The following ITGB3 variants were observed in gnomAD, a reference collection of about 807,000 sequenced individuals.
ITGB3 encodes the protein integrin subunit beta 3, also known as integrin beta-3.
Under a neutral mutation model 85.8 loss-of-function variants are expected in ITGB3, and 48 were observed. The ratio of observed to expected loss-of-function variants is 0.56; its 90% confidence interval spans 0.44 to 0.71. The LOEUF (loss-of-function observed/expected upper bound fraction) is 0.71. Ranked by LOEUF, ITGB3 falls within the 30% of genes least tolerant of loss-of-function variation. The pLI is 0.00. For missense variants in ITGB3, 861 were observed against 1,019.1 expected (o/e 0.84, Z 2.11); for synonymous variants, 363 against 395.6 (o/e 0.92, Z 0.98).
chr17:47,254,131 A>G (rs985641717), intron 1 of ITGB3, among the ~76,000 whole-genome samples, 191 bp downstream of exon 1: 2 of 151,968 alleles, frequency 1.3e-5, no homozygotes, highest in Non-Finnish European at 1.5e-5. Flanking sequence ...CGGGGCTGAG[A>G]GGTGCCTGGT....
intron 6 of ITGB3, among the ~76,000 whole-genome samples, chr17:47,288,237 AGAGAAAGAGG>A (rs1184932260): frequency 1.3e-4 from 10 of 79,608 alleles, no homozygotes; most frequent in Admixed American, 9.9e-4. Context: ...AGAGAGAGAG[AGAGAAAGAGG>A]GGAAAGAACA....
intron 4 of ITGB3, among the ~76,000 whole-genome samples, chr17:47,285,231 A>G (rs941557052): frequency 2.6e-5 from 4 of 152,222 alleles, no homozygotes; most frequent in African/African-American, 9.7e-5. Context: ...TATTTATTTA[A>G]TCGGTGGAGA....
intron 10 of ITGB3, among the ~76,000 whole-genome samples, chr17:47,297,555 C>G (rs982287262): frequency 2.6e-5 from 4 of 151,946 alleles, no homozygotes; most frequent in African/African-American, 9.7e-5. Flanking sequence ...ACTTGGGAGG[C>G]TGAGGCAGGA....
chr17:47,306,860 A>T (rs1404948720), intron 13 of ITGB3, among the ~76,000 whole-genome samples: 5 of 151,384 alleles, frequency 3.3e-5, no homozygotes, highest in Admixed American at 6.6e-5. Flanking sequence ...TTGTAGTTTT[A>T]GTAGAGATGG....
rs2065222423 is a variant in ITGB3 at position 47,313,155 on chromosome 17, G to A, written c.*2951G>A. Among the ~76,000 whole-genome samples, 1 of 150,406 alleles carries A rather than the reference G, an allele frequency of 6.6e-6. No homozygotes were observed. The highest frequency in any genetic ancestry group is 1.5e-5 in the Non-Finnish European group (1 of 67,670). On this transcript the variant is annotated 3_prime_UTR_variant, in exon 15 of 15. Transcript: ENST00000559488. ...CACCCGGCTAATTTTTGTATTTTTA[G>A]TAGAGACGGGGTTTCACCATGTTGG...
chr17:47,288,789 A>G (rs1304224186), intron 6 of ITGB3, among the ~76,000 whole-genome samples: 2 of 152,368 alleles, frequency 1.3e-5, no homozygotes, highest in East Asian at 1.9e-4. Flanking sequence ...GTATGGTTCT[A>G]TCCTTGGGGA....
intron 3 of ITGB3, 128 bp from the exon 4 acceptor site, chr17:47,284,315 A>C: frequency 9.8e-7 from 1 of 1,019,904 alleles, no homozygotes; most frequent in Admixed American, 1.9e-5. Flanking sequence ...GCAAAGGAAG[A>C]GGAAAAGGGA....
chr17:47,303,310 G>C (rs2065174595), intron 13 of ITGB3: 1 of 162,152 alleles, frequency 6.2e-6, no homozygotes, highest in Non-Finnish European at 1.4e-5. Context: ...ACCGTCATCT[G>C]GGTGAAGGGC....
At position 47,299,152 on chromosome 17, in the gene ITGB3, C is replaced by T. The variant is rs2065156488; in HGVS notation, c.1691-156C>T. 6.6e-6 allele frequency among the ~76,000 whole-genome samples: 1 copy of T among 152,198 alleles called. No individual in the cohort carries two copies. Among genetic ancestry groups the T allele is most frequent in the Admixed American group, 6.5e-5 (1 of 15,284 alleles). On this transcript the variant is annotated intron_variant, in intron 10 of 14. Transcript: ENST00000559488. This position sits in a 1 kb window ranked among gnomAD's most constrained non-coding sequence, Gnocchi z 5.1. ...CCCTAGAAAACTGAGTTTGTCCCTGCTGGGTAGGACTCCCCTGGGTGGTGA... is the reference window on the plus strand; with the variant it reads ...CCCTAGAAAACTGAGTTTGTCCCTGTTGGGTAGGACTCCCCTGGGTGGTGA...
intron 8 of ITGB3, 139 bp from the exon 9 acceptor site, chr17:47,290,815 G>T (rs2065122374): frequency 2.1e-6 from 2 of 968,372 alleles, no homozygotes; most frequent in African/African-American, 1.6e-5. Flanking sequence ...GCAGCTTCCA[G>T]GTCAAACCTT....
chr17:47,275,655 G>T (rs75887664), intron 2 of ITGB3, among the ~76,000 whole-genome samples: 6,435 of 152,288 alleles, frequency 0.042, 330 homozygotes, highest in East Asian at 0.24. Context: ...TGGCCGCCTG[G>T]GGGGAGGGGC....
chr17:47,284,517 C>T lies in ITGB3; in HGVS notation c.436C>T (p.Leu146=). Residue 146 remains leucine (L), a synonymous_variant, in exon 4 of 15, where the codon CTG becomes TTG. Transcript: ENST00000559488. ...YPVDIYYLMD[L]SYSMKDDLWS... Reference sequence around the variant, plus strand: ...TGTGGACATCTACTACTTGATGGACCTGTCTTACTCCATGAAGGATGATCT... The same window carrying T: ...TGTGGACATCTACTACTTGATGGACTTGTCTTACTCCATGAAGGATGATCT... The T allele has an allele frequency of 2.5e-6, 4 of 1,614,122 alleles. 1 individual carries two copies. The South Asian group carries it at 4.4e-5, about 18-fold the overall frequency.
intron 12 of ITGB3, among the ~76,000 whole-genome samples, 179 bp downstream of exon 12, chr17:47,300,757 C>A (rs923918656): frequency 6.6e-6 from 1 of 152,066 alleles, no homozygotes; most frequent in African/African-American, 2.4e-5. Context: ...GAGAGTTGTC[C>A]TCCTCTCTTA....
intron 12 of ITGB3, among the ~76,000 whole-genome samples, chr17:47,301,771 G>A (rs140418867): frequency 1.3e-5 from 2 of 152,248 alleles, no homozygotes; most frequent in East Asian, 3.9e-4. Context: ...CAATAGCCTA[G>A]TGAAGTAGAA....
At chr17:47,264,947 A>G (rs990750077) in intron 1 of ITGB3, among the ~76,000 whole-genome samples, 3 of 152,162 alleles carry the variant, frequency 2.0e-5, no homozygotes, top group Non-Finnish European at 4.4e-5. Context: ...TTTTGTTACC[A>G]TCTTCCTCAC....
intron 10 of ITGB3, among the ~76,000 whole-genome samples, chr17:47,293,053 T>G (rs1421783273): frequency 6.6e-6 from 1 of 152,222 alleles, no homozygotes; most frequent in Non-Finnish European, 1.5e-5. Context: ...GCTATTTAAA[T>G]TAACCAAAAT....
At chr17:47,265,132 A>G (rs890649117) in intron 1 of ITGB3, among the ~76,000 whole-genome samples, 31 of 152,238 alleles carry the variant, frequency 2.0e-4, no homozygotes, top group African/African-American at 6.3e-4. Flanking sequence ...ATGTACAGCT[A>G]AAGTAACCAT....
intron 2 of ITGB3, among the ~76,000 whole-genome samples, chr17:47,280,936 C>T (rs2065081825): frequency 6.6e-6 from 1 of 152,178 alleles, no homozygotes; most frequent in South Asian, 2.1e-4. Context: ...TACAGTCAGA[C>T]AATCTAGCTG....
intron 1 of ITGB3, among the ~76,000 whole-genome samples, chr17:47,263,581 C>T (rs1002282642): frequency 1.3e-5 from 2 of 151,688 alleles, no homozygotes; most frequent in African/African-American, 4.8e-5. Flanking sequence ...ACTCCGCCTC[C>T]CATGTTCAAG....
Sources: gnomAD v4.1 joint callset for allele counts (sites outside exome capture counted in the v4.1 genomes callset) on GRCh38, gnomAD v4.1.1 for gene constraint, Gnocchi (gnomAD v3.1) non-coding constraint, MANE v1.5 for transcripts, NCBI Gene and HGNC (gene_info 2026-07-23, HGNC 2026-07-21) for gene names.